MYO1H: variants seen among roughly 807,000 people sequenced by gnomAD.
MYO1H encodes myosin IH, also known as unconventional myosin-Ih.
Under a neutral mutation model 149.3 loss-of-function variants are expected in MYO1H, and 118 were observed. The observed-to-expected ratio is 0.79, with a 90% confidence interval of 0.68 to 0.92. The LOEUF (loss-of-function observed/expected upper bound fraction) is 0.92, where lower values mean the gene tolerates loss of function less well. MYO1H is among the 40% of genes least tolerant of loss of function. The pLI is 0.00. For missense variants in MYO1H, 1,212 were observed against 1,280.7 expected, an observed-to-expected ratio of 0.95 and a Z score of 0.82; for synonymous variants, 447 against 465.2, an observed-to-expected ratio of 0.96 and a Z score of 0.50.
intron 8 of MYO1H, 73 bp from the exon 9 acceptor site, chr12:109,406,716 G>T (rs951292863): frequency 2.8e-6 from 4 of 1,428,928 alleles, no homozygotes; most frequent in East Asian, 2.3e-5. Context: ...GCCATACCTT[G>T]TCTCTAAAAA....
chr12:109,430,285 C>T (rs978223035), intron 19 of MYO1H, among the ~76,000 whole-genome samples: 1 of 152,130 alleles, frequency 6.6e-6, no homozygotes, highest in Non-Finnish European at 1.5e-5. Flanking sequence ...AGCCAAACCC[C>T]GTGCACCTGC....
At chr12:109,363,887 G>C (rs1287589774) in intron 1 of MYO1H, among the ~76,000 whole-genome samples, 2 of 151,662 alleles carry the variant, frequency 1.3e-5, no homozygotes, top group Admixed American at 6.6e-5. Context: ...CAAGTCAGTG[G>C]GGAAAACAGA....
chr12:109,381,796 A>C (rs1271370422), intron 1 of MYO1H, among the ~76,000 whole-genome samples: 2 of 152,170 alleles, frequency 1.3e-5, no homozygotes, highest in Non-Finnish European at 2.9e-5. Context: ...ACTGCACTCC[A>C]GCCTGGGCAA....
chr12:109,392,532 G>C (rs1257327789), intron 2 of MYO1H, among the ~76,000 whole-genome samples: 2 of 152,088 alleles, frequency 1.3e-5, no homozygotes, highest in Non-Finnish European at 2.9e-5. Flanking sequence ...AGACCAGCCT[G>C]GCCAACATGG....
chr12:109,401,167 G>T, exon 6 of MYO1H: 1 of 1,613,916 alleles, frequency 6.2e-7, no homozygotes, highest in Non-Finnish European at 8.5e-7. Context: ...ACGAAGGCGA[G>T]CGGAATTTCC....
the MYO1H span, among the ~76,000 whole-genome samples, chr12:109,320,120 C>G: frequency 2.0e-5 from 3 of 151,722 alleles, no homozygotes; most frequent in East Asian, 1.9e-4. Context: ...TTGAGACCAG[C>G]CTGGGCAACT....
At chr12:109,400,797 C>A (rs1870128385) in intron 5 of MYO1H, among the ~76,000 whole-genome samples, 1 of 152,150 alleles carries the variant, frequency 6.6e-6, no homozygotes. Context: ...AGACCTTTGA[C>A]CACTACCCCT....
chr12:109,313,879 G>C, the MYO1H span, among the ~76,000 whole-genome samples: 1 of 151,970 alleles, frequency 6.6e-6, no homozygotes, highest in Non-Finnish European at 1.5e-5. Flanking sequence ...GTTTTCTTTG[G>C]AGTTTTTTGT....
intron 1 of MYO1H, among the ~76,000 whole-genome samples, chr12:109,350,777 G>C (rs1383302108): frequency 6.6e-6 from 1 of 152,174 alleles, no homozygotes; most frequent in Non-Finnish European, 1.5e-5. Context: ...AAGAATCAAA[G>C]TGATATAGGT....
At chr12:109,430,075 A>T (rs185034707) in intron 19 of MYO1H, among the ~76,000 whole-genome samples, 6 of 152,320 alleles carry the variant, frequency 3.9e-5, no homozygotes, top group Admixed American at 3.9e-4. Context: ...TCCTAACACC[A>T]TCACATTGGG....
the MYO1H span, among the ~76,000 whole-genome samples, chr12:109,311,579 T>C: frequency 9.1e-4 from 139 of 152,300 alleles, no homozygotes; most frequent in African/African-American, 3.2e-3. Flanking sequence ...CTCAGGTGAT[T>C]TTATGGTCAA....
intron 1 of MYO1H, among the ~76,000 whole-genome samples, chr12:109,367,689 C>T (rs987332317): frequency 2.6e-5 from 4 of 151,952 alleles, no homozygotes; most frequent in African/African-American, 9.7e-5. Flanking sequence ...GTAGCTAGGA[C>T]TACAGGCGCC....
chr12:109,434,354 C>T (rs1006653321), intron 20 of MYO1H, among the ~76,000 whole-genome samples: 1 of 148,362 alleles, frequency 6.7e-6, no homozygotes, highest in African/African-American at 2.5e-5. Flanking sequence ...TCTGGCTGGG[C>T]GTGGTGGCTG....
rs779090322 is a variant in MYO1H, at chr12:109,436,471, G to A, written c.2141-17G>A. On this transcript the variant is annotated splice_polypyrimidine_tract_variant and intron_variant, in intron 21 of 31. Transcript: ENST00000310903. ...AAATGCAAAGCCATTTCACCAAAAC[G>A]TCTGTTTTATTTTAAGTTGCAAGAA... 8.8e-6 allele frequency: 14 copies of A among 1,598,030 alleles called. No homozygotes were observed. Among genetic ancestry groups the A allele is most frequent in the South Asian group, 2.3e-5 (2 of 88,686 alleles).
chr12:109,388,893 C>T (rs1869512422), intron 2 of MYO1H, 49 bp downstream of exon 2: 3 of 1,552,644 alleles, frequency 1.9e-6, no homozygotes, highest in Non-Finnish European at 2.6e-6. Context: ...TTGTTCCCTT[C>T]TTGCCTTCAC....
At chr12:109,331,044 C>T in the MYO1H span, among the ~76,000 whole-genome samples, 3 of 152,134 alleles carry the variant, frequency 2.0e-5, no homozygotes, top group African/African-American at 4.8e-5. Context: ...CGTTATGCCA[C>T]GGATAAATTT....
upstream of MYO1H, among the ~76,000 whole-genome samples, chr12:109,343,043 A>T (rs779423612): frequency 2.0e-5 from 3 of 152,076 alleles, no homozygotes; most frequent in Non-Finnish European, 4.4e-5. Flanking sequence ...ACAAAGCAAG[A>T]TCCCATCTCT....
the MYO1H span, among the ~76,000 whole-genome samples, chr12:109,340,443 A>T: frequency 0.025 from 3,877 of 152,332 alleles, 158 homozygotes; most frequent in African/African-American, 0.089. Flanking sequence ...TGCTGAGATT[A>T]CAGGCATGAG....
At chr12:109,371,339 C>T (rs1191614853) in intron 1 of MYO1H, among the ~76,000 whole-genome samples, 1 of 151,546 alleles carries the variant, frequency 6.6e-6, no homozygotes, top group African/African-American at 2.4e-5. Context: ...ACCTTGGCCT[C>T]CTAAGTAGCT....
Sources: allele counts gnomAD v4.1 joint callset (sites outside exome capture counted in the v4.1 genomes callset), GRCh38; gene constraint gnomAD v4.1.1; transcripts MANE v1.5; gene names NCBI Gene and HGNC (gene_info 2026-07-23, HGNC 2026-07-21).